SUCLG2: variants seen among roughly 807,000 people sequenced by gnomAD.
SUCLG2 encodes the protein succinate--CoA ligase [GDP-forming] subunit beta, mitochondrial.
SUCLG2 carries 42 observed loss-of-function variants against 47.9 expected under a neutral mutation model. The ratio of observed to expected loss-of-function variants is 0.88; its 90% CI spans 0.69 to 1.14. The LOEUF is 1.14. SUCLG2 is among the 50% of genes most tolerant of loss of function. The pLI, the probability that SUCLG2 is intolerant of heterozygous loss-of-function variation, is 0.00. For synonymous variants in SUCLG2, 195 were observed against 197.3 expected, an observed-to-expected ratio of 0.99 and a Z score of 0.10; for missense variants, 571 against 525.9, an observed-to-expected ratio of 1.09 and a Z score of -0.84.
At chr3:67,461,726 A>T (rs1704340318) in intron 9 of SUCLG2, among the ~76,000 whole-genome samples, 1 of 152,094 alleles carries the variant, frequency 6.6e-6, no homozygotes, top group African/African-American at 2.4e-5. Flanking sequence ...CCAAAATGAC[A>T]ATAATAAATG....
chr3:67,395,167 T>C (rs1482460893), intron 10 of SUCLG2, among the ~76,000 whole-genome samples: 1 of 151,192 alleles, frequency 6.6e-6, no homozygotes, highest in Non-Finnish European at 1.5e-5. Context: ...AATTCACACA[T>C]AACAATATTA....
At chr3:67,538,200 TAG>T (rs1482386893) in intron 2 of SUCLG2, among the ~76,000 whole-genome samples, 2 of 152,234 alleles carry the variant, frequency 1.3e-5, no homozygotes, top group Non-Finnish European at 2.9e-5. Context: ...TTGATCGTTT[TAG>T]GTCTTATGTT....
At chr3:67,454,568 T>G (rs115280592) in intron 9 of SUCLG2, among the ~76,000 whole-genome samples, 2 of 152,194 alleles carry the variant, frequency 1.3e-5, no homozygotes, top group Non-Finnish European at 2.9e-5. Context: ...GATAGATGGA[T>G]AGTTGTTGAA....
chr3:67,392,939 T>G (rs1702425326), intron 10 of SUCLG2, among the ~76,000 whole-genome samples: 1 of 152,084 alleles, frequency 6.6e-6, no homozygotes, highest in Admixed American at 6.6e-5. Context: ...CTCAGTCTCC[T>G]GCTCAGCTGG....
rs1458858583 is a variant in SUCLG2, at chr3:67,400,836, CA to C, written c.1077del (p.Val360SerfsTer24). 1 of 1,612,896 alleles carries C rather than the reference CA, an allele frequency of 6.2e-7. No individual in the cohort carries two copies. ...LTADPKVEAI[L>X]VNIFGGIVNC... ...TTGACGATACCACCAAATATATTGA[CA>C]AGGATGGCTTCAACCTGAAATCAAA... On this transcript the variant is annotated frameshift_variant, in exon 10 of 11. Transcript: ENST00000307227. LOFTEE classifies it high-confidence loss of function.
intron 10 of SUCLG2, among the ~76,000 whole-genome samples, chr3:67,396,591 G>A (rs1410381292): frequency 6.6e-6 from 1 of 152,048 alleles, no homozygotes; most frequent in East Asian, 1.9e-4. Context: ...TCTACCAGAG[G>A]TACAAGGAGG....
At chr3:67,586,214 C>T (rs779876026) in intron 2 of SUCLG2, among the ~76,000 whole-genome samples, 2 of 152,012 alleles carry the variant, frequency 1.3e-5, no homozygotes, top group African/African-American at 2.4e-5. Flanking sequence ...CAATGATTTC[C>T]GCAGAGATCA....
chr3:67,404,968 ATTTT>A (rs35223699), intron 9 of SUCLG2, among the ~76,000 whole-genome samples: 2 of 134,796 alleles, frequency 1.5e-5, no homozygotes, highest in African/African-American at 5.5e-5. Flanking sequence ...GGCAAAGAGA[ATTTT>A]TTTTTTTTTT....
chr3:67,531,324 T>C (rs1378308677), intron 2 of SUCLG2, among the ~76,000 whole-genome samples: 2 of 152,202 alleles, frequency 1.3e-5, no homozygotes, highest in African/African-American at 4.8e-5. Flanking sequence ...CCATTGCCAT[T>C]ATCATTTTTC....
chr3:67,394,486 G>T (rs1702474753), intron 10 of SUCLG2, among the ~76,000 whole-genome samples: 1 of 148,672 alleles, frequency 6.7e-6, no homozygotes, highest in Non-Finnish European at 1.5e-5. Context: ...AGAATAAAAA[G>T]AAATGAACAA....
intron 1 of SUCLG2, among the ~76,000 whole-genome samples, chr3:67,635,442 T>C (rs926702542): frequency 6.6e-6 from 1 of 152,188 alleles, no homozygotes; most frequent in Non-Finnish European, 1.5e-5. Context: ...TGAAGAGTGA[T>C]TCATGGGTGA....
At chr3:67,433,031 C>G (rs1024367703) in intron 9 of SUCLG2, among the ~76,000 whole-genome samples, 3 of 152,138 alleles carry the variant, frequency 2.0e-5, no homozygotes, top group African/African-American at 7.2e-5. Context: ...GAGATGGTAT[C>G]TTGTTATGCT....
chr3:67,571,411 A>G (rs766064468), intron 2 of SUCLG2, among the ~76,000 whole-genome samples: 12 of 152,214 alleles, frequency 7.9e-5, no homozygotes, highest in Non-Finnish European at 1.5e-4. Flanking sequence ...GATGAACCCC[A>G]GGTCTGAGAC....
chr3:67,550,724 C>T (rs1369932753), intron 2 of SUCLG2, among the ~76,000 whole-genome samples: 1 of 152,180 alleles, frequency 6.6e-6, no homozygotes, highest in Non-Finnish European at 1.5e-5. Flanking sequence ...TAATTAGGTG[C>T]AGTGGATAAG....
At chr3:67,546,758 G>A (rs1256485325) in intron 2 of SUCLG2, among the ~76,000 whole-genome samples, 9 of 151,512 alleles carry the variant, frequency 5.9e-5, no homozygotes, top group Non-Finnish European at 1.3e-4. Context: ...AAAATTAGCT[G>A]AGCATGGTGG....
At chr3:67,475,529 A>G (rs1350835800) in intron 9 of SUCLG2, among the ~76,000 whole-genome samples, 10 of 152,208 alleles carry the variant, frequency 6.6e-5, no homozygotes, top group East Asian at 3.9e-4. Context: ...TGCCAGCCCA[A>G]TGAAATGTCC....
In SUCLG2 at chr3:67,575,217, T is replaced by G. The variant is rs1707714763; in HGVS notation, c.226+34238A>C. ...ATCCTAGGTATCTATTCAAGAGAAA[T>G]GAAAACATTTGTTCACAAAGACTTA... On this transcript the variant is annotated intron_variant, in intron 2 of 10. Transcript: ENST00000307227. Among the ~76,000 whole-genome samples, 3 of 152,134 alleles carry G rather than the reference T, an allele frequency of 2.0e-5. No homozygotes were observed. In the South Asian group the frequency reaches 6.2e-4, roughly 31 times the overall value.
intron 1 of SUCLG2, among the ~76,000 whole-genome samples, chr3:67,618,545 C>G (rs1395525356): frequency 1.3e-5 from 2 of 152,180 alleles, no homozygotes; most frequent in African/African-American, 2.4e-5. Context: ...TCTAAGGCCA[C>G]TCAGCTGATT....
intron 2 of SUCLG2, among the ~76,000 whole-genome samples, chr3:67,600,068 T>C (rs1437196875): frequency 2.0e-5 from 3 of 152,244 alleles, no homozygotes; most frequent in Non-Finnish European, 4.4e-5. Flanking sequence ...TCTGTTGCAA[T>C]GTAAAGAAAG....
Sources: gnomAD v4.1 joint callset for allele counts (sites outside exome capture counted in the v4.1 genomes callset) on GRCh38, gnomAD v4.1.1 for gene constraint, MANE v1.5 for transcripts, NCBI Gene and HGNC (gene_info 2026-07-23, HGNC 2026-07-21) for gene names.